DPP6: variants seen among roughly 807,000 people sequenced by gnomAD.
DPP6 encodes the protein A-type potassium channel modulatory protein DPP6.
DPP6 carries 69 observed loss-of-function variants against 122.6 expected under a neutral mutation model. The ratio of observed to expected loss-of-function variants is 0.56; its 90% confidence interval spans 0.46 to 0.69. The LOEUF is 0.69. Ranked by LOEUF, DPP6 falls within the 30% of genes least tolerant of loss-of-function variation. The pLI is 0.00. For synonymous variants in DPP6, 418 were observed against 433.1 expected (o/e 0.97, Z 0.43); for missense variants, 928 against 1,116.9 (o/e 0.83, Z 2.41).
In DPP6 at chr7:154,724,132, G is replaced by C. The variant is rs913522313; in HGVS notation, c.763-3635G>C. ...TTCCATTCCTAGAGATTCTGACTTT[G>C]GGTTGGTCTGGTGGATTGTGCATTA... is the stretch of plus-strand genomic sequence containing the variant. On this transcript the variant is annotated intron_variant, in intron 7 of 25. Transcript: ENST00000377770. Among the ~76,000 whole-genome samples, 38 of 152,124 alleles carry C rather than the reference G, an allele frequency of 2.5e-4. 1 individual carries two copies.
At position 154,277,777 on chromosome 7, in the gene DPP6, A is replaced by T. The variant is rs181284490; in HGVS notation, c.244-168437A>T. Among the ~76,000 whole-genome samples, 229 of 152,304 alleles carry T rather than the reference A, an allele frequency of 1.5e-3. 1 individual carries two copies. Among genetic ancestry groups the T allele is most frequent in the Non-Finnish European group, 4.3e-4 (29 of 68,024 alleles). On this transcript the variant is annotated intron_variant, in intron 1 of 25. Transcript: ENST00000377770. Reference sequence around the variant, plus strand: ...GAGATTCTGTCTCCAAAAATAAAAAACTAAAAGAAGGAGAAGAGGAAAGTA... The same window carrying T: ...GAGATTCTGTCTCCAAAAATAAAAATCTAAAAGAAGGAGAAGAGGAAAGTA...
the DPP6 span, among the ~76,000 whole-genome samples, chr7:153,815,687 C>A: frequency 6.6e-6 from 1 of 152,114 alleles, no homozygotes; most frequent in Non-Finnish European, 1.5e-5. Context: ...AAAAAGATAA[C>A]CTTGTACAGC....
chr7:154,862,845 G>A (rs893661815), intron 17 of DPP6, among the ~76,000 whole-genome samples: 5 of 152,334 alleles, frequency 3.3e-5, no homozygotes, highest in Admixed American at 3.3e-4. Flanking sequence ...AAAAAGATAT[G>A]GCAAAAAGAA....
the DPP6 span, among the ~76,000 whole-genome samples, chr7:153,848,813 T>C: frequency 6.6e-6 from 1 of 152,222 alleles, no homozygotes; most frequent in Non-Finnish European, 1.5e-5. Context: ...TCTTTTTATT[T>C]CTATGCATTC....
the DPP6 span, among the ~76,000 whole-genome samples, chr7:153,879,551 G>T: frequency 6.6e-6 from 1 of 152,136 alleles, no homozygotes; most frequent in South Asian, 2.1e-4. Flanking sequence ...CACCACAGCT[G>T]GCTAATTTTT....
intron 1 of DPP6, among the ~76,000 whole-genome samples, chr7:154,230,054 A>AT (rs1563342995): frequency 6.6e-6 from 1 of 152,154 alleles, no homozygotes; most frequent in Non-Finnish European, 1.5e-5. Context: ...CATAAAGGAA[A>AT]GTTAGAGTTT....
chr7:154,330,313 C>G (rs1808811113), intron 1 of DPP6, among the ~76,000 whole-genome samples: 1 of 152,090 alleles, frequency 6.6e-6, no homozygotes, highest in Admixed American at 6.5e-5. Context: ...GTTTCAGACT[C>G]TGGTATTGGG....
At chr7:154,353,460 A>T (rs886443670) in intron 1 of DPP6, among the ~76,000 whole-genome samples, 8 of 152,116 alleles carry the variant, frequency 5.3e-5, no homozygotes, top group Non-Finnish European at 8.8e-5. Flanking sequence ...CCCAGCATAA[A>T]GGAACCAGCC....
At chr7:153,894,786 G>A (rs1799339269) in intron 1 of DPP6, among the ~76,000 whole-genome samples, 1 of 152,132 alleles carries the variant, frequency 6.6e-6, no homozygotes, top group African/African-American at 2.4e-5. Context: ...CTTCTGTTGT[G>A]CAGCCAAGAT....
At chr7:154,239,426 C>T (rs1444782749) in intron 1 of DPP6, among the ~76,000 whole-genome samples, 1 of 152,174 alleles carries the variant, frequency 6.6e-6, no homozygotes, top group Non-Finnish European at 1.5e-5. Context: ...CCTCATCCTA[C>T]TCAACATGAA....
chr7:154,368,718 C>T (rs1241609038), intron 1 of DPP6, among the ~76,000 whole-genome samples: 2 of 152,170 alleles, frequency 1.3e-5, no homozygotes, highest in Non-Finnish European at 2.9e-5. Context: ...TCGTTCGCAA[C>T]AGTTGTTGAC....
rs114734499 is a variant in DPP6 at position 154,839,540 on chromosome 7, G to A, written c.1667-14240G>A. Among the ~76,000 whole-genome samples, 752 of 152,340 alleles carry A rather than the reference G, an allele frequency of 4.9e-3. 10 individuals carry two copies. The highest frequency in any genetic ancestry group is 0.017 in the African/African-American group (713 of 41,596). On this transcript the variant is annotated intron_variant, in intron 16 of 25. Coordinates refer to ENST00000377770, the MANE Select transcript of DPP6 (RefSeq NM_130797.4). ...GCTACGTTAAGGAATGAATGAGTTTGTGCATGTAATGCACTGGGACACTGT... is the reference window on the plus strand; with the variant it reads ...GCTACGTTAAGGAATGAATGAGTTTATGCATGTAATGCACTGGGACACTGT...
At chr7:154,864,202 C>T (rs1228389655) in intron 17 of DPP6, among the ~76,000 whole-genome samples, 2 of 152,232 alleles carry the variant, frequency 1.3e-5, no homozygotes, top group African/African-American at 4.8e-5. Flanking sequence ...GAAGCGGCTG[C>T]TCTCTCCTCT....
intron 3 of DPP6, among the ~76,000 whole-genome samples, chr7:154,520,309 CA>C (rs1481925271): frequency 6.6e-6 from 1 of 152,212 alleles, no homozygotes; most frequent in Non-Finnish European, 1.5e-5. Flanking sequence ...CTTCCAAGAT[CA>C]CCTAAAGGAA....
intron 2 of DPP6, 101 bp from the exon 3 acceptor site, chr7:154,474,838 C>A: frequency 2.3e-6 from 2 of 867,224 alleles, no homozygotes; most frequent in South Asian, 1.5e-5. Flanking sequence ...CATGTGTGTT[C>A]CCATCCATAC....
intron 5 of DPP6, among the ~76,000 whole-genome samples, chr7:154,621,557 C>CGG (rs1554412288): frequency 1.3e-5 from 2 of 151,774 alleles, no homozygotes; most frequent in Non-Finnish European, 2.9e-5. Flanking sequence ...TTAGTAGAGA[C>CGG]GGTTTCGCCA....
chr7:154,429,408 A>G (rs1250565480), intron 1 of DPP6, among the ~76,000 whole-genome samples: 1 of 152,180 alleles, frequency 6.6e-6, no homozygotes, highest in African/African-American at 2.4e-5. Flanking sequence ...TCAAGGGAAG[A>G]AAACTTCTCA....
chr7:154,574,859 GTGTGTGTT>G (rs1476702154), intron 5 of DPP6, among the ~76,000 whole-genome samples: 1 of 144,700 alleles, frequency 6.9e-6, no homozygotes, highest in Non-Finnish European at 1.5e-5. Context: ...TGTGTGTGGT[GTGTGTGTT>G]TGTGTGTTGT....
chr7:154,369,965 CATTTATTT>C (rs36198177), intron 1 of DPP6, among the ~76,000 whole-genome samples: 5,518 of 145,914 alleles, frequency 0.038, 183 homozygotes, highest in African/African-American at 0.08. Flanking sequence ...CAGATATATG[CATTTATTT>C]ATTTATTTAT....
Sources: allele counts gnomAD v4.1 joint callset (sites outside exome capture counted in the v4.1 genomes callset), GRCh38; gene constraint gnomAD v4.1.1; transcripts MANE v1.5; gene names NCBI Gene and HGNC (gene_info 2026-07-23, HGNC 2026-07-21).